Variants in LRIG1 observed in about 807,000 individuals in gnomAD.
The protein encoded by LRIG1 is leucine-rich repeats and immunoglobulin-like domains protein 1.
In LRIG1, 48 loss-of-function variants were observed where a neutral mutation model predicts 99.2. The ratio of observed to expected loss-of-function variants is 0.48; its 90% confidence interval spans 0.38 to 0.62. The LOEUF is 0.62. LRIG1 is among the 20% of genes least tolerant of loss of function. The pLI is 0.00. For missense variants in LRIG1, 1,646 were observed against 1,434.4 expected (o/e 1.15, Z -2.38); for synonymous variants, 772 against 596.1 (o/e 1.29, Z -4.30).
chr3:66,490,389 G>A (rs1437995003), intron 1 of LRIG1, among the ~76,000 whole-genome samples: 2 of 152,194 alleles, frequency 1.3e-5, no homozygotes, highest in Non-Finnish European at 2.9e-5. Context: ...TCTTCTGACT[G>A]TTTATAAGTT....
intron 2 of LRIG1, among the ~76,000 whole-genome samples, chr3:66,457,906 G>C (rs1251776228): frequency 1.3e-5 from 2 of 152,226 alleles, no homozygotes; most frequent in East Asian, 3.9e-4. Flanking sequence ...CACTAATCAC[G>C]CAATTTCAGC....
intron 12 of LRIG1, 94 bp downstream of exon 12, chr3:66,393,946 A>T: frequency 7.4e-7 from 1 of 1,351,234 alleles, no homozygotes; most frequent in Non-Finnish European, 1.0e-6. Flanking sequence ...GCTGGGGTTT[A>T]CTCTGATCAC....
chr3:66,409,421 T>A (rs1050235359), intron 7 of LRIG1, among the ~76,000 whole-genome samples: 4 of 152,178 alleles, frequency 2.6e-5, no homozygotes, highest in African/African-American at 7.2e-5. Flanking sequence ...CGACAGTCTG[T>A]CACTACTAAT....
chr3:66,456,476 G>C (rs1700223397), intron 2 of LRIG1, among the ~76,000 whole-genome samples: 1 of 151,828 alleles, frequency 6.6e-6, no homozygotes, highest in South Asian at 2.1e-4. Context: ...AGGAGGCTGA[G>C]GTGCGAGGAT....
intron 3 of LRIG1, among the ~76,000 whole-genome samples, chr3:66,431,679 C>T (rs1044460580): frequency 6.6e-6 from 1 of 152,184 alleles, no homozygotes; most frequent in Non-Finnish European, 1.5e-5. Context: ...GTTCCTCTGA[C>T]CTCACCAACT....
chr3:66,460,513 G>A (rs1700331965), intron 2 of LRIG1, among the ~76,000 whole-genome samples: 1 of 152,152 alleles, frequency 6.6e-6, no homozygotes, highest in Non-Finnish European at 1.5e-5. Flanking sequence ...GATCCAATAT[G>A]ACTGGTGTCT....
At chr3:66,445,505 C>G (rs1036871063) in intron 3 of LRIG1, among the ~76,000 whole-genome samples, 11 of 152,244 alleles carry the variant, frequency 7.2e-5, no homozygotes, top group Non-Finnish European at 1.6e-4. Flanking sequence ...AACCCTTGGT[C>G]TTGGGGAGAA....
intron 3 of LRIG1, among the ~76,000 whole-genome samples, chr3:66,441,368 C>A (rs534736005): frequency 2.6e-5 from 4 of 152,180 alleles, no homozygotes; most frequent in African/African-American, 4.8e-5. Flanking sequence ...CTGGCACAAT[C>A]GAACACGTTT....
chr3:66,456,647 T>C (rs1700228280), intron 2 of LRIG1, among the ~76,000 whole-genome samples: 1 of 151,292 alleles, frequency 6.6e-6, no homozygotes, highest in African/African-American at 2.4e-5. Flanking sequence ...CCCTCATTAT[T>C]TTACCCTCTC....
At chr3:66,464,342 C>CT in intron 1 of LRIG1, among the ~76,000 whole-genome samples, 1 of 152,120 alleles carries the variant, frequency 6.6e-6, no homozygotes. Context: ...GCTGGTGAGC[C>CT]TGCCCTGTGT....
intron 2 of LRIG1, among the ~76,000 whole-genome samples, chr3:66,454,810 T>C (rs1015771460): frequency 6.6e-6 from 1 of 152,238 alleles, no homozygotes; most frequent in Non-Finnish European, 1.5e-5. Flanking sequence ...AACTTCCATT[T>C]AATTGACTTA....
At chr3:66,423,676 T>TC (rs1392484337) in intron 3 of LRIG1, among the ~76,000 whole-genome samples, 1 of 152,218 alleles carries the variant, frequency 6.6e-6, no homozygotes, top group Non-Finnish European at 1.5e-5. Context: ...GTCCATGGTC[T>TC]CCAAGGCACA....
intron 3 of LRIG1, among the ~76,000 whole-genome samples, chr3:66,442,095 C>T (rs1703559619): frequency 1.3e-5 from 2 of 152,134 alleles, no homozygotes; most frequent in Non-Finnish European, 2.9e-5. Flanking sequence ...CACTACTGAA[C>T]AAAACACAAA....
rs982901175 is a variant in LRIG1, at chr3:66,382,302, G to A, written c.2588C>T (p.Pro863Leu). ...GCTCTCAATGTGCCCATTGGCCTGA[G>A]GGCCACCCTCGGTCCTGACCACGGT... ...QETVVRTEGG[P>L]QANGHIESNG... is the part of the protein sequence containing the mutation. Residue 863 changes from proline (P) to leucine (L), a missense_variant, in exon 16 of 19, where the codon CCT becomes CTT. Pro to Leu is a moderately conservative substitution (Grantham distance 98). Coordinates refer to ENST00000273261, the MANE Select transcript of LRIG1 (RefSeq NM_015541.3). The A allele has an allele frequency of 5.6e-6, 9 of 1,614,054 alleles. No homozygotes were observed. Among genetic ancestry groups the A allele is most frequent in the Non-Finnish European group, 5.1e-6 (6 of 1,180,008 alleles).
chr3:66,435,397 A>G (rs551527706), intron 3 of LRIG1, among the ~76,000 whole-genome samples: 9 of 115,824 alleles, frequency 7.8e-5, no homozygotes, highest in South Asian at 2.6e-4. Flanking sequence ...CATCTCTACT[A>G]AAAACAAAAA....
intron 1 of LRIG1, among the ~76,000 whole-genome samples, chr3:66,476,176 T>G (rs1466714323): frequency 6.6e-6 from 1 of 152,110 alleles, no homozygotes; most frequent in East Asian, 1.9e-4. Context: ...TTTTCCTCAC[T>G]CGAAATGCGC....
At position 66,500,612 on chromosome 3, in the gene LRIG1, G is replaced by T. The variant is rs1379070791; in HGVS notation, c.-205C>A. 9 of 340,296 alleles carry T rather than the reference G, an allele frequency of 2.6e-5. No individual in the cohort carries two copies. Among genetic ancestry groups the T allele is most frequent in the African/African-American group, 1.7e-4 (8 of 46,392 alleles). 21.1% of individuals were successfully genotyped at this position (340,296 alleles called of 1,614,324 possible). The stretch of plus-strand genomic sequence containing the variant: ...GGCCGCTCCGGAGCACCCGGCGGGG[G>T]CCGCAAACCCCGCGCCCATCCGGGC... On this transcript the variant is annotated 5_prime_UTR_variant, in exon 1 of 19. Coordinates refer to ENST00000273261, the MANE Select transcript of LRIG1 (RefSeq NM_015541.3).
chr3:66,414,355 C>T (rs188018100), intron 5 of LRIG1, among the ~76,000 whole-genome samples: 41 of 151,966 alleles, frequency 2.7e-4, no homozygotes, highest in African/African-American at 8.4e-4. Context: ...TGAGATCACA[C>T]CACTGCACCC....
At chr3:66,484,263 A>G (rs1273208872) in intron 1 of LRIG1, among the ~76,000 whole-genome samples, 1 of 152,212 alleles carries the variant, frequency 6.6e-6, no homozygotes, top group Non-Finnish European at 1.5e-5. Context: ...AATGAATGCC[A>G]CTATCTCTAT....
Sources: allele counts gnomAD v4.1 joint callset (sites outside exome capture counted in the v4.1 genomes callset), GRCh38; gene constraint gnomAD v4.1.1; transcripts MANE v1.5; gene names NCBI Gene and HGNC (gene_info 2026-07-23, HGNC 2026-07-21).